The following MCOLN2 variants were observed in gnomAD, a reference collection of about 807,000 sequenced individuals.
MCOLN2 encodes mucolipin TRP cation channel 2.
Under a neutral mutation model 67.5 loss-of-function variants are expected in MCOLN2, and 57 were observed. The observed-to-expected ratio is 0.84, with a 90% CI of 0.68 to 1.05. The LOEUF (loss-of-function observed/expected upper bound fraction) is 1.05. MCOLN2 is among the 50% of genes least tolerant of loss of function. MCOLN2 has a pLI of 0.00. For synonymous variants in MCOLN2, 246 were observed against 233.3 expected (o/e 1.05, Z -0.50); for missense variants, 620 against 678.8 (o/e 0.91, Z 0.96).
At position 84,926,353 on chromosome 1, in the gene MCOLN2, A is replaced by G. The variant is rs1477473207; in HGVS notation, c.*332T>C. 1 of 213,246 alleles carries G rather than the reference A, an allele frequency of 4.7e-6. No homozygotes were observed. The highest frequency in any genetic ancestry group is 9.2e-6 in the Non-Finnish European group (1 of 108,538). The allele number at this position is 213,246 out of a possible 1,614,324, so 13.2% of individuals were successfully genotyped here. On this transcript the variant is annotated 3_prime_UTR_variant, in exon 14 of 14. Coordinates refer to ENST00000370608, the MANE Select transcript of MCOLN2 (RefSeq NM_153259.4). ...ACAATAAACACACATATTTAATTAC[A>G]TGGTTAAAGACTATTATTTCGCACA...
Position 84,929,597 on chromosome 1 carries a change from T to C in MCOLN2, c.1625A>G (p.Glu542Gly). 1.2e-6 allele frequency: 2 copies of C among 1,613,890 alleles called. No homozygotes were observed. The highest frequency in any genetic ancestry group is 1.1e-5 in the South Asian group (1 of 91,042). ...GATGCAGGACAGGAAGGCTGAGGACTCTTTCTGATACTCTTCTTTGCTACT... is the reference window on the plus strand; with the variant it reads ...GATGCAGGACAGGAAGGCTGAGGACCCTTTCTGATACTCTTCTTTGCTACT... ...ECSSKEEYQKESSAFLSCICC... is the reference protein window; with the variant it reads ...ECSSKEEYQKGSSAFLSCICC... The change falls in exon 13 of 14, where the codon GAG becomes GGG. Residue 542 changes from glutamate (E) to glycine (G), a missense_variant. Glu to Gly is a moderately conservative substitution (Grantham distance 98). Coordinates refer to ENST00000370608, the MANE Select transcript of MCOLN2 (RefSeq NM_153259.4).
intron 1 of MCOLN2, among the ~76,000 whole-genome samples, chr1:84,975,730 T>TTTCA (rs1196087252): frequency 6.6e-6 from 1 of 152,140 alleles, no homozygotes; most frequent in East Asian, 1.9e-4. Context: ...ACAGGTGACC[T>TTTCA]TTCAGACAGA....
At chr1:84,994,069 T>C (rs988306476) in intron 1 of MCOLN2, among the ~76,000 whole-genome samples, 1 of 152,242 alleles carries the variant, frequency 6.6e-6, no homozygotes, top group African/African-American at 2.4e-5. Context: ...GTATTATCAA[T>C]GAGCAGTAAT....
intron 6 of MCOLN2, among the ~76,000 whole-genome samples, chr1:84,949,818 A>T (rs1648322830): frequency 6.6e-6 from 1 of 152,138 alleles, no homozygotes. Context: ...GTCAGTCAAG[A>T]ATACTATATC....
At chr1:84,996,425 T>C (rs1204218735) in intron 1 of MCOLN2, among the ~76,000 whole-genome samples, 1 of 102,472 alleles carries the variant, frequency 9.8e-6, no homozygotes, top group Non-Finnish European at 2.1e-5. Flanking sequence ...TATATATATA[T>C]ATATATGTTT....
chr1:84,945,442 G>A (rs985594474), intron 7 of MCOLN2, among the ~76,000 whole-genome samples: 1 of 152,108 alleles, frequency 6.6e-6, no homozygotes, highest in Non-Finnish European at 1.5e-5. Flanking sequence ...AACTATAATC[G>A]GTGGCTTAAG....
chr1:84,953,368 G>C (rs1484216331), intron 4 of MCOLN2, among the ~76,000 whole-genome samples: 1 of 152,096 alleles, frequency 6.6e-6, no homozygotes, highest in East Asian at 1.9e-4. Flanking sequence ...TGACCAACAT[G>C]GTGAAACGCC....
At chr1:84,974,479 T>C (rs1649898944) in intron 1 of MCOLN2, among the ~76,000 whole-genome samples, 1 of 151,846 alleles carries the variant, frequency 6.6e-6, no homozygotes, top group South Asian at 2.1e-4. Context: ...GTCAGAGTCA[T>C]AATGCCTCTG....
At chr1:84,984,610 C>T (rs1029331257) in intron 1 of MCOLN2, among the ~76,000 whole-genome samples, 4 of 152,210 alleles carry the variant, frequency 2.6e-5, no homozygotes, top group African/African-American at 9.7e-5. Flanking sequence ...TTAAGACTTC[C>T]TGTGACAGAC....
In MCOLN2 at chr1:84,938,100, A is replaced by G. The variant is rs1647540083; in HGVS notation, c.1111-18T>C. 1.3e-6 allele frequency: 2 copies of G among 1,560,304 alleles called. No individual in the cohort carries two copies. The highest frequency in any genetic ancestry group is 8.8e-7 in the Non-Finnish European group (1 of 1,138,246). ...GTGAGATTCTAAGGAATGAAAAAAA[A>G]GAAAGAGAGAAATGAGTAAAATATT... On this transcript the variant is annotated intron_variant, in intron 9 of 13. Transcript: ENST00000370608.
At chr1:84,979,735 A>C (rs748834439) in intron 1 of MCOLN2, among the ~76,000 whole-genome samples, 12 of 152,164 alleles carry the variant, frequency 7.9e-5, no homozygotes, top group Non-Finnish European at 1.8e-4. Flanking sequence ...ATGGGGAAAA[A>C]CTGAAAGCCT....
In MCOLN2 at chr1:84,926,811, G is replaced by A. The variant is rs751393088; in HGVS notation, c.1665-90C>T. ...TAGGAATACTCTATATTCTAGGCCCGTAGATTATAGACATGTTGAGTGAAA... is the reference window on the plus strand; with the variant it reads ...TAGGAATACTCTATATTCTAGGCCCATAGATTATAGACATGTTGAGTGAAA... On this transcript the variant is annotated intron_variant, in intron 13 of 13. Transcript: ENST00000370608. 1.2e-4 allele frequency: 109 copies of A among 891,894 alleles called. 2 individuals are homozygous for A. In the East Asian group the frequency reaches 1.5e-3, roughly 12 times the overall value. 55.2% of individuals were successfully genotyped at this position (891,894 alleles called of 1,614,324 possible). A position where few individuals can be genotyped will look rare whatever the true frequency, so the allele number is the denominator to read the frequency against.
In MCOLN2 at chr1:84,997,054, G is replaced by A; in HGVS notation, c.-182C>T. 1.6e-6 allele frequency: 1 copy of A among 608,144 alleles called. No homozygotes were observed. The highest frequency in any genetic ancestry group is 2.8e-5 in the East Asian group (1 of 35,482). 37.7% of individuals were successfully genotyped at this position (608,144 alleles called of 1,614,324 possible). A position where few individuals can be genotyped will look rare whatever the true frequency, so the allele number is the denominator to read the frequency against. On this transcript the variant is annotated 5_prime_UTR_variant, in exon 1 of 14. Coordinates refer to ENST00000370608, the MANE Select transcript of MCOLN2 (RefSeq NM_153259.4). ...GCGCGCAGACCCCGGCCCGAGAGCAGGCGCCGCAGTCGTGGAGTGCGGCGG... is the reference window on the plus strand; with the variant it reads ...GCGCGCAGACCCCGGCCCGAGAGCAAGCGCCGCAGTCGTGGAGTGCGGCGG...
chr1:84,989,802 G>C (rs1484926033), intron 1 of MCOLN2, among the ~76,000 whole-genome samples: 1 of 152,120 alleles, frequency 6.6e-6, no homozygotes, highest in African/African-American at 2.4e-5. Flanking sequence ...AAGAGCTCCA[G>C]ACTATTAAGA....
intron 7 of MCOLN2, among the ~76,000 whole-genome samples, chr1:84,945,698 C>A (rs1009923907): frequency 6.6e-6 from 1 of 152,170 alleles, no homozygotes. Context: ...GCAAACAGAA[C>A]AGGTTCCATA....
chr1:84,973,120 A>G (rs1004101539), intron 1 of MCOLN2, among the ~76,000 whole-genome samples: 1 of 152,158 alleles, frequency 6.6e-6, no homozygotes, highest in African/African-American at 2.4e-5. Flanking sequence ...AGAAGTAAAG[A>G]ATTCCCAAGA....
intron 1 of MCOLN2, among the ~76,000 whole-genome samples, chr1:84,976,705 G>T (rs566904909): frequency 6.6e-6 from 1 of 152,280 alleles, no homozygotes; most frequent in East Asian, 1.9e-4. Context: ...GGTGGAGGTT[G>T]CAGTGAGCAG....
At chr1:84,995,561 C>A (rs1651100706) in intron 1 of MCOLN2, among the ~76,000 whole-genome samples, 1 of 136,558 alleles carries the variant, frequency 7.3e-6, no homozygotes, top group Non-Finnish European at 1.7e-5. Context: ...GAAGAGTTTT[C>A]TTTGGCCACT....
chr1:84,942,862 T>A (rs1412277430), intron 7 of MCOLN2, among the ~76,000 whole-genome samples: 1 of 152,106 alleles, frequency 6.6e-6, no homozygotes, highest in Non-Finnish European at 1.5e-5. Context: ...CCCCTTACCA[T>A]GTGATGCCCT....
Sources: allele counts gnomAD v4.1 joint callset (sites outside exome capture counted in the v4.1 genomes callset), GRCh38; gene constraint gnomAD v4.1.1; transcripts MANE v1.5; gene names NCBI Gene and HGNC (gene_info 2026-07-23, HGNC 2026-07-21).